Variants in RABGEF1 observed in about 807,000 individuals in gnomAD.
RABGEF1 encodes RAB guanine nucleotide exchange factor 1, also known as rab5 GDP/GTP exchange factor.
A neutral mutation model predicts 57.3 loss-of-function variants in RABGEF1; 26 were observed. The observed-to-expected ratio is 0.45, with a 90% CI of 0.33 to 0.63. The LOEUF (loss-of-function observed/expected upper bound fraction) is 0.63, where lower values mean the gene tolerates loss of function less well. Ranked by LOEUF, RABGEF1 falls within the 20% of genes least tolerant of loss-of-function variation. The pLI, the probability that RABGEF1 is intolerant of heterozygous loss-of-function variation, is 0.02. For synonymous variants in RABGEF1, 185 were observed against 210.7 expected, an observed-to-expected ratio of 0.88 and a Z score of 1.06; for missense variants, 464 against 607.6, an observed-to-expected ratio of 0.76 and a Z score of 2.48.
At chr7:66,768,953 C>G (rs1806409762) in intron 1 of RABGEF1, 1 of 152,258 alleles carries the variant, frequency 6.6e-6, no homozygotes, top group South Asian at 2.1e-4. Context: ...GGCTCCTGCA[C>G]TCTCATTTCA....
intron 2 of RABGEF1, 43 bp from the exon 3 acceptor site, chr7:66,775,184 T>A (rs1808231081): frequency 1.3e-6 from 2 of 1,565,272 alleles, no homozygotes; most frequent in Admixed American, 2.0e-5. Flanking sequence ...CAGAGAAACC[T>A]TGGAGAATAT....
chr7:66,656,224 C>T, the RABGEF1 span, among the ~76,000 whole-genome samples: 2 of 152,128 alleles, frequency 1.3e-5, no homozygotes, highest in Non-Finnish European at 2.9e-5. Context: ...TCAAGGGATC[C>T]TCCCACCTCA....
At chr7:66,705,632 AAAG>A (rs1247550900) in intron 1 of RABGEF1, among the ~76,000 whole-genome samples, 2 of 152,166 alleles carry the variant, frequency 1.3e-5, no homozygotes, top group Non-Finnish European at 2.9e-5. Flanking sequence ...CAAAATTAAG[AAAG>A]AAAATTATAT....
intron 2 of RABGEF1, among the ~76,000 whole-genome samples, chr7:66,714,258 T>G (rs1208333515): frequency 1.3e-5 from 2 of 152,228 alleles, no homozygotes; most frequent in Non-Finnish European, 2.9e-5. Context: ...ATGGGACTAT[T>G]CCCATTCTCT....
intron 6 of RABGEF1, among the ~76,000 whole-genome samples, chr7:66,798,401 G>C (rs1786517055): frequency 4.6e-5 from 7 of 152,190 alleles, no homozygotes; most frequent in Admixed American, 4.6e-4. Flanking sequence ...CAAGGGGCTG[G>C]TACTTGCTAG....
chr7:66,701,056 T>TGGGCTTGAATG (rs1212252551), intron 1 of RABGEF1, among the ~76,000 whole-genome samples: 1 of 151,298 alleles, frequency 6.6e-6, no homozygotes, highest in Non-Finnish European at 1.5e-5. Context: ...AGGAAGAGGC[T>TGGGCTTGAATG]AGATAGAGGC....
intron 1 of RABGEF1, chr7:66,749,124 G>C (rs1285380460): frequency 6.6e-6 from 1 of 152,642 alleles, no homozygotes; most frequent in Non-Finnish European, 1.5e-5. Context: ...ACAGAGATGG[G>C]CTGAGGGAAT....
chr7:66,698,105 C>A (rs1298444632), intron 1 of RABGEF1, among the ~76,000 whole-genome samples: 21 of 152,020 alleles, frequency 1.4e-4, no homozygotes, highest in South Asian at 2.1e-4. Context: ...CCACGCACCC[C>A]CCCCACCCTC....
intron 1 of RABGEF1, among the ~76,000 whole-genome samples, chr7:66,762,135 G>A (rs1804553603): frequency 6.6e-6 from 1 of 152,070 alleles, no homozygotes; most frequent in African/African-American, 2.4e-5. Flanking sequence ...GACTGTGGAC[G>A]AAAACCAATA....
chr7:66,709,533 A>G (rs1172607604), intron 1 of RABGEF1, among the ~76,000 whole-genome samples: 1 of 152,164 alleles, frequency 6.6e-6, no homozygotes, highest in Admixed American at 6.6e-5. Context: ...TCACACCTGT[A>G]ATCCCAGCAC....
Position 66,809,209 on chromosome 7 carries a change from A to G in RABGEF1, c.1401A>G (p.Leu467=). 1 of 1,614,214 alleles carries G rather than the reference A, an allele frequency of 6.2e-7. No individual in the cohort carries two copies. Among genetic ancestry groups the G allele is most frequent in the East Asian group, 2.2e-5 (1 of 44,894 alleles). Residue 467 remains leucine (L), a synonymous_variant, in exon 9 of 9, where the codon TTA becomes TTG. Transcript: ENST00000284957. ...AAATTAAGCCTCCGAATCAACCGTTAGCAGCTATTGACTCTGAAAACGTTG... is the reference window on the plus strand; with the variant it reads ...AAATTAAGCCTCCGAATCAACCGTTGGCAGCTATTGACTCTGAAAACGTTG... ...PLEIKPPNQP[L]AAIDSENVEN...
intron 1 of RABGEF1, among the ~76,000 whole-genome samples, chr7:66,698,646 G>T (rs1431061791): frequency 6.6e-6 from 1 of 152,136 alleles, no homozygotes; most frequent in Admixed American, 6.5e-5. Flanking sequence ...TCCCTGCAAG[G>T]CTGCGGTGAT....
the RABGEF1 span, chr7:66,668,994 G>T: frequency 6.6e-6 from 1 of 152,314 alleles, no homozygotes; most frequent in Admixed American, 6.5e-5. Context: ...TTGCGGGCTA[G>T]CTAGACCTTT....
chr7:66,656,460 G>T, the RABGEF1 span, among the ~76,000 whole-genome samples: 1 of 152,252 alleles, frequency 6.6e-6, no homozygotes, highest in East Asian at 1.9e-4. Context: ...AGATCTAGAA[G>T]CTTAGGCTTT....
chr7:66,741,102 CCGCCTCCCTCTCCGG>C (rs1480368976), intron 1 of RABGEF1, among the ~76,000 whole-genome samples: 74 of 152,252 alleles, frequency 4.9e-4, no homozygotes, highest in African/African-American at 1.7e-3. Flanking sequence ...CATTTCCTGG[CCGCCTCCCTCTCCGG>C]CGGCTCCCCT....
chr7:66,751,717 C>A (rs557884175), intron 1 of RABGEF1, among the ~76,000 whole-genome samples: 1 of 152,318 alleles, frequency 6.6e-6, no homozygotes, highest in South Asian at 2.1e-4. Flanking sequence ...AGGTTTTATA[C>A]TGTCATATTT....
chr7:66,659,025 C>T, the RABGEF1 span, among the ~76,000 whole-genome samples: 329 of 152,188 alleles, frequency 2.2e-3, 4 homozygotes, highest in Admixed American at 0.011. Context: ...ATGAGCCACC[C>T]GGTGCCCGGC....
At chr7:66,738,945 G>GTT (rs558390109), upstream of RABGEF1, among the ~76,000 whole-genome samples, 1 of 151,650 alleles carries the variant, frequency 6.6e-6, no homozygotes, top group Non-Finnish European at 1.5e-5. Context: ...GGTACTTTGT[G>GTT]TTTTTTTGTT....
At chr7:66,666,531 G>T in the RABGEF1 span, among the ~76,000 whole-genome samples, 12 of 152,172 alleles carry the variant, frequency 7.9e-5, no homozygotes, top group African/African-American at 2.9e-4. Flanking sequence ...CCAGCTCAGG[G>T]TATTGGTGGG....
Sources: gnomAD v4.1 joint callset for allele counts (sites outside exome capture counted in the v4.1 genomes callset) on GRCh38, gnomAD v4.1.1 for gene constraint, MANE v1.5 for transcripts, NCBI Gene and HGNC (gene_info 2026-07-23, HGNC 2026-07-21) for gene names.